Variants in FHDC1 observed in about 807,000 individuals in gnomAD.
FHDC1 encodes FH2 domain-containing protein 1.
In FHDC1, 25 loss-of-function variants were observed where a neutral mutation model predicts 52.6. The observed-to-expected ratio is 0.48, with a 90% CI of 0.35 to 0.66. FHDC1 has a LOEUF of 0.66. FHDC1 is among the 30% of genes least tolerant of loss of function. The probability of loss-of-function intolerance (pLI) is 0.01; values close to 1 mark genes in which losing one functional copy is unlikely to be tolerated. For missense variants in FHDC1, 1,459 were observed against 1,452.8 expected (o/e 1.00, Z -0.07); for synonymous variants, 616 against 581.5 (o/e 1.06, Z -0.85).
chr4:152,916,141 GAAAAA>G, the FHDC1 span, among the ~76,000 whole-genome samples: 46 of 150,630 alleles, frequency 3.1e-4, no homozygotes, highest in Non-Finnish European at 4.9e-4. Flanking sequence ...CATCACAAAA[GAAAAA>G]AAAAATTAGT....
chr4:152,951,767 G>A (rs767431178), intron 2 of FHDC1, among the ~76,000 whole-genome samples: 1 of 152,054 alleles, frequency 6.6e-6, no homozygotes, highest in Non-Finnish European at 1.5e-5. Context: ...AAAAACAAAC[G>A]GGAAAAAACT....
intron 10 of FHDC1, among the ~76,000 whole-genome samples, chr4:152,970,833 G>A (rs1205664329): frequency 6.6e-6 from 1 of 152,158 alleles, no homozygotes; most frequent in Non-Finnish European, 1.5e-5. Context: ...GTTGGAGTGG[G>A]TAATAGGTGG....
Position 152,978,743 on chromosome 4 carries a change from G to A in FHDC1, c.*2020G>A, listed in dbSNP as rs547272817. ...AGATGGATTTAGGCAAATATGATGC[G>A]TTTGTGGGGAATCCACGTGGTTGAC... On this transcript the variant is annotated 3_prime_UTR_variant, in exon 12 of 12. Coordinates refer to ENST00000511601, the MANE Select transcript of FHDC1 (RefSeq NM_001371116.1). The A allele has an allele frequency of 5.3e-5, 8 of 152,180 alleles. No homozygotes were observed. Among genetic ancestry groups the A allele is most frequent in the African/African-American group, 1.2e-4 (5 of 41,504 alleles). The allele number at this position is 152,180 out of a possible 1,614,324, so 9.4% of individuals were successfully genotyped here.
At chr4:152,940,802 A>G (rs1739553818) in intron 1 of FHDC1, among the ~76,000 whole-genome samples, 1 of 152,232 alleles carries the variant, frequency 6.6e-6, no homozygotes, top group South Asian at 2.1e-4. Context: ...GTAAGGATAA[A>G]CTGCCAAAAT....
chr4:152,937,666 C>A (rs1202020048), intron 1 of FHDC1, among the ~76,000 whole-genome samples: 2 of 151,876 alleles, frequency 1.3e-5, no homozygotes, highest in Non-Finnish European at 2.9e-5. Context: ...CGGCTTCTCT[C>A]CCCGCCGCAG....
intron 4 of FHDC1, among the ~76,000 whole-genome samples, chr4:152,956,258 A>T (rs963679538): frequency 6.6e-6 from 1 of 151,780 alleles, no homozygotes; most frequent in Non-Finnish European, 1.5e-5. Context: ...CTCTATACCC[A>T]CTCCTAATTG....
chr4:152,929,680 C>A, the FHDC1 span, among the ~76,000 whole-genome samples: 1 of 152,192 alleles, frequency 6.6e-6, no homozygotes, highest in Non-Finnish European at 1.5e-5. This position sits in a 1 kb window ranked among gnomAD's most constrained non-coding sequence, Gnocchi z 4.1. Context: ...GGATTAATTT[C>A]TCTGCCTTCT....
chr4:152,915,151 A>C, the FHDC1 span, among the ~76,000 whole-genome samples: 2 of 152,212 alleles, frequency 1.3e-5, no homozygotes, highest in Non-Finnish European at 2.9e-5. Flanking sequence ...ATATATACTT[A>C]TTATGACTAG....
chr4:152,922,252 T>TCTACACAAATAAA, the FHDC1 span, among the ~76,000 whole-genome samples: 1 of 151,896 alleles, frequency 6.6e-6, no homozygotes, highest in African/African-American at 2.4e-5. Context: ...AACTAGAAAA[T>TCTACACAAATAAA]CTAGAAGAAA....
At chr4:152,915,815 T>C in the FHDC1 span, among the ~76,000 whole-genome samples, 127 of 152,280 alleles carry the variant, frequency 8.3e-4, no homozygotes, top group Non-Finnish European at 1.6e-3. Context: ...ACCCTACAAA[T>C]GGCTCAATTT....
At chr4:152,972,762 T>C (rs1017656208) in intron 11 of FHDC1, among the ~76,000 whole-genome samples, 5 of 152,236 alleles carry the variant, frequency 3.3e-5, no homozygotes, top group Non-Finnish European at 5.9e-5. Context: ...GGCATTTGAC[T>C]GCCTCTGCTA....
intron 4 of FHDC1, among the ~76,000 whole-genome samples, chr4:152,960,260 G>A (rs1046723913): frequency 6.6e-6 from 1 of 151,392 alleles, no homozygotes; most frequent in Non-Finnish European, 1.5e-5. Flanking sequence ...TTCCTTTTTA[G>A]TCCCTCCCTT....
intron 11 of FHDC1, among the ~76,000 whole-genome samples, chr4:152,972,905 A>C (rs1353659260): frequency 6.6e-6 from 1 of 152,208 alleles, no homozygotes; most frequent in Non-Finnish European, 1.5e-5. Context: ...TCCCGCTCCC[A>C]GAAGAGAACG....
intron 1 of FHDC1, 128 bp downstream of exon 1, chr4:152,936,537 C>G (rs986213503): frequency 1.2e-4 from 18 of 152,306 alleles, no homozygotes; most frequent in African/African-American, 4.3e-4. Context: ...CGCCGAGAAG[C>G]GCGGCTGATG....
At position 152,968,557 on chromosome 4, in the gene FHDC1, G is replaced by A. The variant is rs181194145; in HGVS notation, c.1218+460G>A. Among the ~76,000 whole-genome samples the A allele has an allele frequency of 5.0e-4, 76 of 152,218 alleles. 1 individual carries two copies. The highest frequency in any genetic ancestry group is 1.7e-3 in the East Asian group (9 of 5,188). Reference sequence around the variant, plus strand: ...TTGGCCAGGCTGCTCTCAAACTCCCGACCTCAGGTGATCCGCACTCACTGG... The same window carrying A: ...TTGGCCAGGCTGCTCTCAAACTCCCAACCTCAGGTGATCCGCACTCACTGG... On this transcript the variant is annotated intron_variant, in intron 10 of 11. Coordinates refer to ENST00000511601, the MANE Select transcript of FHDC1 (RefSeq NM_001371116.1).
At chr4:152,968,131 T>C (rs776952065) in intron 10 of FHDC1, 34 bp downstream of exon 10, 26 of 1,513,310 alleles carry the variant, frequency 1.7e-5, no homozygotes, top group African/African-American at 2.8e-5. Context: ...CCCTCTAATC[T>C]CATCTCCCAG....
the FHDC1 span, among the ~76,000 whole-genome samples, chr4:152,923,617 G>A: frequency 5.3e-5 from 8 of 151,788 alleles, no homozygotes; most frequent in South Asian, 1.7e-3. Context: ...TATACTATAA[G>A]GCTACAGTAA....
chr4:152,958,468 T>G lies in FHDC1; in HGVS notation c.664-2097T>G, dbSNP rs558689412. On this transcript the variant is annotated intron_variant, in intron 4 of 11. Transcript: ENST00000511601. ...TACATGGCATTTAAATTAAATACGG[T>G]CTTTCCATCACCCTTCTCTTGAAAT... Among the ~76,000 whole-genome samples, 344 of 151,562 alleles carry G rather than the reference T, an allele frequency of 2.3e-3. 1 individual carries two copies. Among genetic ancestry groups the G allele is most frequent in the African/African-American group, 8.1e-3 (336 of 41,240 alleles).
chr4:152,950,587 T>A (rs1339695879), intron 2 of FHDC1, among the ~76,000 whole-genome samples: 1 of 152,210 alleles, frequency 6.6e-6, no homozygotes, highest in Non-Finnish European at 1.5e-5. Flanking sequence ...GGGCTGCCCC[T>A]GTGTTGGGGC....
Sources: gnomAD v4.1 joint callset for allele counts (sites outside exome capture counted in the v4.1 genomes callset) on GRCh38, gnomAD v4.1.1 for gene constraint, Gnocchi (gnomAD v3.1) non-coding constraint, MANE v1.5 for transcripts, NCBI Gene and HGNC (gene_info 2026-07-23, HGNC 2026-07-21) for gene names.